TSC2: variants seen among roughly 807,000 people sequenced by gnomAD.
The protein encoded by TSC2 is tuberin.
In TSC2, 29 loss-of-function variants were observed where a neutral mutation model predicts 202.2. The ratio of observed to expected loss-of-function variants is 0.14; its 90% CI spans 0.11 to 0.20. The LOEUF (loss-of-function observed/expected upper bound fraction) is 0.20. Ranked by LOEUF, TSC2 falls within the 10% of genes least tolerant of loss-of-function variation. The pLI, the probability that TSC2 is intolerant of heterozygous loss-of-function variation, is 1.00. For synonymous variants in TSC2, 1,349 were observed against 1,044.0 expected, an observed-to-expected ratio of 1.29 and a Z score of -5.63; for missense variants, 2,429 against 2,420.0, an observed-to-expected ratio of 1.00 and a Z score of -0.08.
Position 2,079,696 on chromosome 16 carries a change from C to T in TSC2, c.3397+27C>T. ...TGAGCCTTGGCCCCAGCCACCTCCA[C>T]ACAGGCACCGGGGCTCCCTCAGTTG... On this transcript the variant is annotated intron_variant, in intron 29 of 41. Transcript: ENST00000219476. This position sits in a 1 kb window ranked among gnomAD's most constrained non-coding sequence, Gnocchi z 4.6. 6 of 1,553,970 alleles carry T rather than the reference C, an allele frequency of 3.9e-6. No individual in the cohort carries two copies. Among genetic ancestry groups the T allele is most frequent in the Non-Finnish European group, 5.2e-6 (6 of 1,149,516 alleles).
Position 2,084,662 on chromosome 16 carries a change from A to G in TSC2, c.4440A>G (p.Leu1480=), listed in dbSNP as rs756991335. ...GCAAGAGAGTAGAGAGGGACGCCTT[A>G]AAGAGCAGAGCCACAGCCTCCAATG... ...RRGKRVERDA[L]KSRATASNAE... The change falls in exon 34 of 42, where the codon TTA becomes TTG. Residue 1480 remains leucine, a synonymous_variant. Transcript: ENST00000219476. 17 of 1,598,792 alleles carry G rather than the reference A, an allele frequency of 1.1e-5. No homozygotes were observed. Among genetic ancestry groups the G allele is most frequent in the Admixed American group, 5.0e-5 (3 of 59,998 alleles).
chr16:2,067,499 G>A (rs1319982651), intron 16 of TSC2, among the ~76,000 whole-genome samples: 1 of 151,454 alleles, frequency 6.6e-6, no homozygotes, highest in Non-Finnish European at 1.5e-5. Context: ...AGCCGGGTGT[G>A]GTGGCTCATG....
chr16:2,064,611 C>CCAGGA, intron 15 of TSC2, 184 bp downstream of exon 15: 1 of 901,140 alleles, frequency 1.1e-6, no homozygotes, highest in Non-Finnish European at 1.7e-6. Context: ...GGATTTGTGT[C>CCAGGA]CTGACTGAAA....
rs960359165 is a variant in TSC2, at chr16:2,088,795, A to G, written c.*185A>G. On this transcript the variant is annotated 3_prime_UTR_variant, in exon 42 of 42. Transcript: ENST00000219476. ...AGGCTCTAGAAGCGGCCATGCCCAC[A>G]GAAGTGGTACACAGAAGCAGGCACA... 8 of 801,244 alleles carry G rather than the reference A, an allele frequency of 1.0e-5. No homozygotes were observed. In the African/African-American group the frequency reaches 1.2e-4, roughly 12 times the overall value. 49.6% of individuals were successfully genotyped at this position (801,244 alleles called of 1,614,324 possible). A position where few individuals can be genotyped will look rare whatever the true frequency, so the allele number is the denominator to read the frequency against.
At chr16:2,072,480 A>C in intron 20 of TSC2, 117 bp downstream of exon 20, 1 of 1,475,866 alleles carries the variant, frequency 6.8e-7, no homozygotes, top group Non-Finnish European at 9.2e-7. Flanking sequence ...ATTTCCCTCA[A>C]ACTCAGCTGC....
At chr16:2,082,266 T>C in intron 31 of TSC2, 170 bp from the exon 32 acceptor site, 1 of 727,994 alleles carries the variant, frequency 1.4e-6, no homozygotes, top group Admixed American at 2.0e-5. Context: ...GGCACTGCCC[T>C]CCTCAGGTCT....
intron 5 of TSC2, chr16:2,054,804 T>C: frequency 2.6e-6 from 1 of 383,288 alleles, no homozygotes; most frequent in Non-Finnish European, 4.9e-6. Context: ...CTCCACTTTG[T>C]GGACCTTCCT....
chr16:2,052,507 A>G (rs528047409), intron 3 of TSC2, among the ~76,000 whole-genome samples: 1 of 152,214 alleles, frequency 6.6e-6, no homozygotes. Context: ...ACAGGGTCTC[A>G]CTGTGTTGCC....
intron 17 of TSC2, 90 bp downstream of exon 17, chr16:2,070,668 C>A: frequency 6.3e-7 from 1 of 1,590,138 alleles, no homozygotes; most frequent in Non-Finnish European, 8.6e-7. Flanking sequence ...GCTGCAGAGA[C>A]GGCCCCAGGA....
rs45517411 is a variant in TSC2 at position 2,088,286 on chromosome 16, G to T, written c.5220G>T (p.Trp1740Cys). The T allele has an allele frequency of 9.9e-6, 16 of 1,612,964 alleles. No individual in the cohort carries two copies. Among genetic ancestry groups the T allele is most frequent in the Non-Finnish European group, 1.4e-5 (16 of 1,180,012 alleles). The stretch of plus-strand genomic sequence containing the variant: ...CCACCGATATCTACCCCTCCAAGTG[G>T]ATTGCCCGGCTCCGCCACATCAAGC... ...SNPTDIYPSK[W>C]IARLRHIKRL... The change falls in exon 41 of 42, where the codon TGG becomes TGT. Residue 1740 changes from tryptophan to cysteine, a missense_variant. Coordinates refer to ENST00000219476, the MANE Select transcript of TSC2 (RefSeq NM_000548.5).
intron 16 of TSC2, among the ~76,000 whole-genome samples, chr16:2,067,500 G>A (rs2087556649): frequency 1.3e-5 from 2 of 151,628 alleles, no homozygotes; most frequent in African/African-American, 4.8e-5. Flanking sequence ...GCCGGGTGTG[G>A]TGGCTCATGC....
intron 15 of TSC2, 100 bp downstream of exon 15, chr16:2,064,527 G>A: frequency 6.4e-7 from 1 of 1,573,178 alleles, no homozygotes; most frequent in Non-Finnish European, 8.6e-7. Flanking sequence ...GTGACCGGAT[G>A]GCTGTGTCCG....
rs45517185 is a variant in TSC2 at position 2,065,505 on chromosome 16, C to G, written c.1600-14C>G. The stretch of plus-strand genomic sequence containing the variant: ...CCATGAGCCTGTGTGTAAGTCCTGG[C>G]CTTCTCTTCAAAGGTGATGGCCCGC... On this transcript the variant is annotated splice_polypyrimidine_tract_variant and intron_variant, in intron 15 of 41. Coordinates refer to ENST00000219476, the MANE Select transcript of TSC2 (RefSeq NM_000548.5). The G allele has an allele frequency of 6.2e-7, 1 of 1,610,434 alleles. No homozygotes were observed. The highest frequency in any genetic ancestry group is 8.5e-7 in the Non-Finnish European group (1 of 1,177,452).
At chr16:2,080,559 C>CT in intron 30 of TSC2, 182 bp downstream of exon 30, 1 of 691,976 alleles carries the variant, frequency 1.4e-6, no homozygotes, top group Non-Finnish European at 2.4e-6. Context: ...TCTCGGCTCA[C>CT]TGCAAGCTCC....
chr16:2,053,838 C>A, intron 4 of TSC2: 1 of 499,148 alleles, frequency 2.0e-6, no homozygotes, highest in Non-Finnish European at 3.9e-6. Context: ...CTTGGCTGAC[C>A]CTGAACACCC....
At chr16:2,077,865 G>A (rs1316669650) in intron 26 of TSC2, 139 bp downstream of exon 26, 2 of 1,453,468 alleles carry the variant, frequency 1.4e-6, no homozygotes, top group East Asian at 2.4e-5. Flanking sequence ...AGCCGGTGAC[G>A]AGGGGTGGAA....
intron 16 of TSC2, among the ~76,000 whole-genome samples, chr16:2,066,743 C>G (rs1309537408): frequency 1.3e-5 from 2 of 148,172 alleles, no homozygotes; most frequent in African/African-American, 5.0e-5. Flanking sequence ...TCACTGCAAC[C>G]TTCGCCTCTT....
At chr16:2,058,925 C>G in intron 10 of TSC2, 52 bp downstream of exon 10, 1 of 1,578,946 alleles carries the variant, frequency 6.3e-7, no homozygotes. Flanking sequence ...GAGCTCCCCT[C>G]ACGCCTGCCC....
chr16:2,071,242 C>T (rs909262535), intron 17 of TSC2: 7 of 557,342 alleles, frequency 1.3e-5, no homozygotes, highest in African/African-American at 7.5e-5. Flanking sequence ...GCGCCCATCC[C>T]TTCCATCCCA....
Sources: allele counts gnomAD v4.1 joint callset (sites outside exome capture counted in the v4.1 genomes callset), GRCh38; gene constraint gnomAD v4.1.1; non-coding constraint Gnocchi (gnomAD v3.1); transcripts MANE v1.5; gene names NCBI Gene and HGNC (gene_info 2026-07-23, HGNC 2026-07-21).